Variants in MAN1A2 observed in about 807,000 individuals in gnomAD.
The protein encoded by MAN1A2 is mannosidase alpha class 1A member 2.
In MAN1A2, 26 loss-of-function variants were observed where a neutral mutation model predicts 75.7. The ratio of observed to expected loss-of-function variants is 0.34; its 90% CI spans 0.25 to 0.48. The LOEUF (loss-of-function observed/expected upper bound fraction) is 0.48, where lower values mean the gene tolerates loss of function less well. Ranked by LOEUF, MAN1A2 falls within the 20% of genes least tolerant of loss-of-function variation. MAN1A2 has a pLI of 0.99. For missense variants in MAN1A2, 562 were observed against 775.5 expected (o/e 0.72, Z 3.27); for synonymous variants, 247 against 264.6 (o/e 0.93, Z 0.65).
intron 1 of MAN1A2, among the ~76,000 whole-genome samples, chr1:117,388,756 G>A (rs1653623788): frequency 6.6e-6 from 1 of 152,196 alleles, no homozygotes; most frequent in Admixed American, 6.5e-5. Flanking sequence ...TGTATCAGAT[G>A]CCTGTAGTAC....
intron 3 of MAN1A2, among the ~76,000 whole-genome samples, chr1:117,414,058 A>G (rs1398430738): frequency 1.3e-5 from 2 of 150,408 alleles, no homozygotes; most frequent in Admixed American, 1.3e-4. Flanking sequence ...CCCTCAGAAC[A>G]TTTTTTTAAT....
intron 8 of MAN1A2, among the ~76,000 whole-genome samples, chr1:117,491,979 G>C (rs922915333): frequency 1.3e-5 from 2 of 152,094 alleles, no homozygotes; most frequent in African/African-American, 4.8e-5. Context: ...CTTCTTAACA[G>C]ATGAGCAAAG....
intron 5 of MAN1A2, among the ~76,000 whole-genome samples, chr1:117,428,111 C>A (rs199883150): frequency 9.7e-4 from 126 of 130,330 alleles, no homozygotes; most frequent in East Asian, 5.9e-3. Context: ...CTCTCTCTCT[C>A]TATTTTTTTT....
intron 1 of MAN1A2, among the ~76,000 whole-genome samples, chr1:117,378,585 A>C (rs1340458672): frequency 2.0e-5 from 3 of 152,092 alleles, no homozygotes; most frequent in African/African-American, 7.2e-5. Context: ...TTTTTCTCCA[A>C]GGTAAAAACT....
At chr1:117,386,626 G>T (rs1343328017) in intron 1 of MAN1A2, among the ~76,000 whole-genome samples, 1 of 151,978 alleles carries the variant, frequency 6.6e-6, no homozygotes, top group Non-Finnish European at 1.5e-5. Flanking sequence ...TCATTTCGTT[G>T]CTTTGCTGTT....
At position 117,460,568 on chromosome 1, in the gene MAN1A2, A is replaced by C. The variant is rs144725217; in HGVS notation, c.1030A>C (p.Ile344Leu). The stretch of plus-strand genomic sequence containing the variant: ...ATTTGGTACACTACATATGGAGTTC[A>C]TCCACCTCAGCTACTTGACAGGGGA... ...AEFGTLHMEF[I>L]HLSYLTGDLT... Residue 344 changes from isoleucine (I) to leucine (L), a missense_variant, in exon 7 of 13, where the codon ATC (isoleucine) becomes CTC (leucine). Around this residue, in one of 2 missense-constraint regions of MAN1A2, gnomAD observed 434 missense variants for 645.7 expected, o/e 0.67. Transcript: ENST00000356554. 393 of 1,610,648 alleles carry C rather than the reference A, an allele frequency of 2.4e-4. No individual in the cohort carries two copies. The highest frequency in any genetic ancestry group is 3.2e-4 in the Non-Finnish European group (381 of 1,178,682).
intron 12 of MAN1A2, among the ~76,000 whole-genome samples, chr1:117,505,483 A>C (rs923852950): frequency 4.0e-5 from 6 of 150,998 alleles, no homozygotes; most frequent in South Asian, 4.1e-4. Context: ...ATCTATCTAT[A>C]TATATATAGA....
chr1:117,462,325 A>G (rs566383825), intron 7 of MAN1A2, among the ~76,000 whole-genome samples: 1 of 152,204 alleles, frequency 6.6e-6, no homozygotes, highest in East Asian at 1.9e-4. Flanking sequence ...AATAGTAATG[A>G]AAAATGAATT....
At chr1:117,396,969 A>T (rs1359293395) in intron 1 of MAN1A2, among the ~76,000 whole-genome samples, 3 of 150,322 alleles carry the variant, frequency 2.0e-5, no homozygotes, top group Non-Finnish European at 3.0e-5. Flanking sequence ...TCCAGGTTGT[A>T]GTGTGAGGCA....
At chr1:117,387,136 C>T (rs1653554214) in intron 1 of MAN1A2, among the ~76,000 whole-genome samples, 1 of 150,912 alleles carries the variant, frequency 6.6e-6, no homozygotes, top group South Asian at 2.1e-4. Context: ...TGAAAAGATG[C>T]TCAACACCAC....
At chr1:117,508,526 CTT>C (rs1237021795) in intron 12 of MAN1A2, among the ~76,000 whole-genome samples, 1 of 151,222 alleles carries the variant, frequency 6.6e-6, no homozygotes, top group Non-Finnish European at 1.5e-5. Flanking sequence ...AAGAATATGT[CTT>C]ATATTCTTAT....
At chr1:117,476,064 G>C (rs1650302722) in intron 8 of MAN1A2, among the ~76,000 whole-genome samples, 1 of 152,088 alleles carries the variant, frequency 6.6e-6, no homozygotes, top group African/African-American at 2.4e-5. Context: ...TTTCTAACTG[G>C]TGTGAGATGG....
At chr1:117,505,744 A>G (rs1232960383) in intron 12 of MAN1A2, among the ~76,000 whole-genome samples, 1 of 151,300 alleles carries the variant, frequency 6.6e-6, no homozygotes, top group Admixed American at 6.6e-5. Context: ...TTGAGGGAGC[A>G]TATTACTTTG....
intron 5 of MAN1A2, among the ~76,000 whole-genome samples, chr1:117,428,521 T>C (rs778013572): frequency 6.6e-6 from 1 of 152,126 alleles, no homozygotes; most frequent in Non-Finnish European, 1.5e-5. Context: ...TACACCTATA[T>C]CCAGTAATAT....
intron 1 of MAN1A2, among the ~76,000 whole-genome samples, chr1:117,368,985 C>T (rs1652865443): frequency 3.9e-5 from 6 of 152,224 alleles, no homozygotes; most frequent in Admixed American, 3.9e-4. Context: ...TTTAGGATGA[C>T]AAACGTGGGC....
chr1:117,469,449 T>C (rs1375432300), intron 8 of MAN1A2, among the ~76,000 whole-genome samples: 1 of 151,996 alleles, frequency 6.6e-6, no homozygotes, highest in Non-Finnish European at 1.5e-5. Context: ...AATACAAAAA[T>C]AAAAGATAAA....
intron 1 of MAN1A2, among the ~76,000 whole-genome samples, chr1:117,387,234 AAC>A (rs1653563309): frequency 1.3e-5 from 2 of 151,738 alleles, no homozygotes; most frequent in Non-Finnish European, 1.5e-5. Context: ...AAAAAAAAAA[AAC>A]AAAGTAACAG....
chr1:117,502,157 A>G (rs553768092), intron 11 of MAN1A2, among the ~76,000 whole-genome samples: 10 of 151,886 alleles, frequency 6.6e-5, no homozygotes, highest in African/African-American at 2.2e-4. Context: ...CAGTTTTCCC[A>G]TCTGAAAAGT....
chr1:117,420,727 A>C, intron 5 of MAN1A2, 78 bp downstream of exon 5: 1 of 1,049,106 alleles, frequency 9.5e-7, no homozygotes, highest in Non-Finnish European at 1.5e-6. Context: ...TTTCCCTAGA[A>C]GCATATTAGT....
Sources: gnomAD v4.1 joint callset for allele counts (sites outside exome capture counted in the v4.1 genomes callset) on GRCh38, gnomAD v4.1.1 for gene constraint, gnomAD v4.1.1 regional missense constraint, MANE v1.5 for transcripts, NCBI Gene and HGNC (gene_info 2026-07-23, HGNC 2026-07-21) for gene names.